The following APCDD1L variants were observed in gnomAD, a reference collection of about 807,000 sequenced individuals.
The protein encoded by APCDD1L is APC down-regulated 1 like.
A neutral mutation model predicts 24.2 loss-of-function variants in APCDD1L; 21 were observed. The observed-to-expected ratio is 0.87, with a 90% CI of 0.61 to 1.25. The LOEUF (loss-of-function observed/expected upper bound fraction) is 1.25. Among genes scored for constraint, APCDD1L ranks in the 50% most tolerant of loss-of-function variants. The pLI is 0.00. For missense variants in APCDD1L, 704 were observed against 711.7 expected (o/e 0.99, Z 0.12); for synonymous variants, 321 against 323.6 (o/e 0.99, Z 0.09).
At chr20:58,488,138 G>A (rs547648727) in intron 1 of APCDD1L, among the ~76,000 whole-genome samples, 11 of 152,184 alleles carry the variant, frequency 7.2e-5, no homozygotes, top group Non-Finnish European at 1.6e-4. Context: ...TAAATTGAGT[G>A]CTGTTCTGAG....
intron 3 of APCDD1L, among the ~76,000 whole-genome samples, chr20:58,463,143 C>CAAAAAAAAAAA (rs398036014): frequency 1.1e-5 from 1 of 93,776 alleles, no homozygotes; most frequent in Non-Finnish European, 2.0e-5. Flanking sequence ...CTCCATCTCA[C>CAAAAAAAAAAA]AAAAAAAAAA....
chr20:58,472,089 C>G (rs1471664326), intron 1 of APCDD1L, among the ~76,000 whole-genome samples: 1 of 152,152 alleles, frequency 6.6e-6, no homozygotes, highest in African/African-American at 2.4e-5. Flanking sequence ...CTGCCTGACC[C>G]CAAACTCTCT....
intron 1 of APCDD1L, among the ~76,000 whole-genome samples, chr20:58,507,655 A>G (rs922910254): frequency 6.6e-5 from 10 of 152,362 alleles, no homozygotes; most frequent in Non-Finnish European, 1.3e-4. Context: ...ACAGGTTTCA[A>G]TGGAGTGAAC....
chr20:58,501,838 C>A (rs1239330819), intron 1 of APCDD1L, among the ~76,000 whole-genome samples: 1 of 152,188 alleles, frequency 6.6e-6, no homozygotes, highest in African/African-American at 2.4e-5. Flanking sequence ...TTGGCTGTGA[C>A]CCTCTTCATG....
chr20:58,507,625 A>C (rs956430787), intron 1 of APCDD1L, among the ~76,000 whole-genome samples: 1 of 152,188 alleles, frequency 6.6e-6, no homozygotes, highest in Non-Finnish European at 1.5e-5. Context: ...TACACTTGCT[A>C]ATAGCCCATG....
intron 1 of APCDD1L, among the ~76,000 whole-genome samples, chr20:58,509,276 G>A (rs1001027000): frequency 6.6e-6 from 1 of 152,164 alleles, no homozygotes; most frequent in Admixed American, 6.5e-5. Flanking sequence ...CAGGGCCTTT[G>A]GATTGGGCTT....
intron 2 of APCDD1L, among the ~76,000 whole-genome samples, chr20:58,468,846 G>T (rs1989764305): frequency 6.6e-6 from 1 of 152,172 alleles, no homozygotes; most frequent in African/African-American, 2.4e-5. Context: ...GGGATTACAG[G>T]CGTGATCCCA....
intron 1 of APCDD1L, among the ~76,000 whole-genome samples, chr20:58,474,383 C>G (rs531208953): frequency 6.6e-6 from 1 of 152,240 alleles, no homozygotes; most frequent in Admixed American, 6.5e-5. Flanking sequence ...CACAACAACA[C>G]ACCTAGTAAA....
intron 1 of APCDD1L, among the ~76,000 whole-genome samples, chr20:58,484,665 G>A (rs574216807): frequency 9.5e-4 from 145 of 152,250 alleles, no homozygotes; most frequent in Admixed American, 2.2e-3. Flanking sequence ...ACAGTCTGCC[G>A]CGGAGGAACT....
intron 3 of APCDD1L, among the ~76,000 whole-genome samples, chr20:58,462,396 C>G (rs1989625533): frequency 6.6e-6 from 1 of 152,162 alleles, no homozygotes; most frequent in Admixed American, 6.5e-5. Flanking sequence ...GCTGTCTGAG[C>G]TCCCCCTCTC....
intron 3 of APCDD1L, among the ~76,000 whole-genome samples, chr20:58,466,904 G>GA (rs1989716210): frequency 6.6e-6 from 1 of 152,202 alleles, no homozygotes; most frequent in Middle Eastern, 3.2e-3. Flanking sequence ...TGTAAAGGCT[G>GA]AAAAAAGATG....
At position 58,514,892 on chromosome 20, in the gene APCDD1L, G is replaced by A. The variant is rs1431396934; in HGVS notation, c.-185C>T. 1.7e-5 allele frequency: 7 copies of A among 413,526 alleles called. No homozygotes were observed. Among genetic ancestry groups the A allele is most frequent in the Non-Finnish European group, 2.4e-5 (6 of 246,740 alleles). The allele number at this position is 413,526 out of a possible 1,614,324, so 25.6% of individuals were successfully genotyped here. A position where few individuals can be genotyped will look rare whatever the true frequency, so the allele number is the denominator to read the frequency against. On this transcript the variant is annotated 5_prime_UTR_variant, in exon 1 of 4. An upstream open reading frame in the 5' UTR gains an earlier in-frame stop. Coordinates refer to ENST00000371149, the MANE Select transcript of APCDD1L (RefSeq NM_153360.3). ...TCAGCCTTCCCGGCTGTTGATAGTT[G>A]TAAGCGGAGCTGCGCACTCATAGGT... is the stretch of plus-strand genomic sequence containing the variant.
intron 1 of APCDD1L, among the ~76,000 whole-genome samples, chr20:58,506,218 A>G (rs1990525957): frequency 6.6e-6 from 1 of 152,090 alleles, no homozygotes; most frequent in Non-Finnish European, 1.5e-5. Flanking sequence ...GCACCTCTGG[A>G]AGCAGGAATT....
At chr20:58,480,963 C>A (rs546927903) in intron 1 of APCDD1L, among the ~76,000 whole-genome samples, 204 of 152,294 alleles carry the variant, frequency 1.3e-3, no homozygotes, top group Admixed American at 2.1e-3. Context: ...GGAGACAAGG[C>A]CTCGTTAACT....
At chr20:58,500,672 CA>C (rs1432917633) in intron 1 of APCDD1L, among the ~76,000 whole-genome samples, 1 of 152,162 alleles carries the variant, frequency 6.6e-6, no homozygotes, top group African/African-American at 2.4e-5. Context: ...CCTGTCCACC[CA>C]ATGGCTTTCC....
chr20:58,479,593 C>CTTTT (rs10580833), intron 1 of APCDD1L, among the ~76,000 whole-genome samples: 42 of 125,402 alleles, frequency 3.3e-4, no homozygotes, highest in African/African-American at 1.0e-3. Context: ...TTAAGATTTG[C>CTTTT]TTTTTTTTTT....
At chr20:58,462,402 C>T (rs1057137774) in intron 3 of APCDD1L, among the ~76,000 whole-genome samples, 5 of 152,142 alleles carry the variant, frequency 3.3e-5, no homozygotes, top group South Asian at 2.1e-4. Context: ...TGAGCTCCCC[C>T]TCTCATGTGC....
intron 1 of APCDD1L, among the ~76,000 whole-genome samples, chr20:58,478,875 AG>A (rs1416176543): frequency 3.3e-5 from 5 of 152,166 alleles, no homozygotes; most frequent in African/African-American, 1.2e-4. Context: ...GGCTGATCCA[AG>A]CAGGTAGAGA....
At chr20:58,474,074 G>A (rs1458931052) in intron 1 of APCDD1L, among the ~76,000 whole-genome samples, 2 of 152,204 alleles carry the variant, frequency 1.3e-5, no homozygotes, top group Non-Finnish European at 2.9e-5. Flanking sequence ...AGAAGTGTGG[G>A]CACTTGGCTA....
Sources: allele counts gnomAD v4.1 joint callset (sites outside exome capture counted in the v4.1 genomes callset), GRCh38; gene constraint gnomAD v4.1.1; transcripts MANE v1.5; gene names NCBI Gene and HGNC (gene_info 2026-07-23, HGNC 2026-07-21).